The following CREB1 variants were observed in gnomAD, a reference collection of about 807,000 sequenced individuals.
CREB1 encodes cAMP responsive element binding protein 1.
Under a neutral mutation model 42.0 loss-of-function variants are expected in CREB1, and 2 were observed. The observed-to-expected ratio is 0.05, with a 90% CI of 0.02 to 0.15. The LOEUF (loss-of-function observed/expected upper bound fraction) is 0.15, where lower values mean the gene tolerates loss of function less well. Ranked by LOEUF, CREB1 falls within the 10% of genes least tolerant of loss-of-function variation. The pLI is 1.00. For missense variants in CREB1, 199 were observed against 388.9 expected, an observed-to-expected ratio of 0.51 and a Z score of 4.11; for synonymous variants, 123 against 139.9, an observed-to-expected ratio of 0.88 and a Z score of 0.85.
chr2:207,558,250 T>TGCTGTGAAGGG (rs2081811677), intron 2 of CREB1, among the ~76,000 whole-genome samples: 1 of 152,232 alleles, frequency 6.6e-6, no homozygotes, highest in Non-Finnish European at 1.5e-5. Context: ...CAGTCACATA[T>TGCTGTGAAGGG]TTCGCTGCCT....
Position 207,603,824 on chromosome 2 carries a change from T to G in CREB1, c.*6766T>G, listed in dbSNP as rs917925184. Among the ~76,000 whole-genome samples, 2 of 152,186 alleles carry G rather than the reference T, an allele frequency of 1.3e-5. No individual in the cohort carries two copies. The highest frequency in any genetic ancestry group is 2.9e-5 in the Non-Finnish European group (2 of 68,030). On this transcript the variant is annotated 3_prime_UTR_variant, in exon 8 of 8. Coordinates refer to ENST00000353267, the MANE Select transcript of CREB1 (RefSeq NM_004379.5). ...AATTGGAAGGAAAGGGGAGGGGATA[T>G]GGTTAATCTTTGCTTAAGCTGTAAG...
intron 1 of CREB1, among the ~76,000 whole-genome samples, chr2:207,539,640 G>C (rs1038090269): frequency 6.6e-6 from 1 of 152,162 alleles, no homozygotes; most frequent in Non-Finnish European, 1.5e-5. Context: ...CGGTATAGTA[G>C]GGATGATGAA....
At chr2:207,544,756 C>A (rs561150630) in intron 1 of CREB1, among the ~76,000 whole-genome samples, 1 of 152,208 alleles carries the variant, frequency 6.6e-6, no homozygotes, top group South Asian at 2.1e-4. Flanking sequence ...TGTTGTCCCC[C>A]CAACCACCGA....
chr2:207,583,043 A>G (rs934057264), intron 7 of CREB1, among the ~76,000 whole-genome samples: 1 of 152,110 alleles, frequency 6.6e-6, no homozygotes, highest in Non-Finnish European at 1.5e-5. Context: ...GTAACAATAT[A>G]ACAATTTTTT....
chr2:207,554,643 T>G (rs1001270398), intron 1 of CREB1, among the ~76,000 whole-genome samples: 1 of 152,194 alleles, frequency 6.6e-6, no homozygotes, highest in African/African-American at 2.4e-5. Flanking sequence ...CCACTTTTGC[T>G]GCCATCCAGT....
chr2:207,602,173 C>T lies in CREB1; in HGVS notation c.*5115C>T, dbSNP rs549310156. The T allele has an allele frequency of 1.5e-5, 3 of 193,592 alleles. No individual in the cohort carries two copies. The highest frequency in any genetic ancestry group is 1.9e-4 in the South Asian group (1 of 5,162). 12.0% of individuals were successfully genotyped at this position (193,592 alleles called of 1,614,324 possible). ...ACCGACTTTAAGAGGGACCAGATAA[C>T]GTTTGAATGGAGGGATTATATTTCA... On this transcript the variant is annotated 3_prime_UTR_variant, in exon 8 of 8. Coordinates refer to ENST00000353267, the MANE Select transcript of CREB1 (RefSeq NM_004379.5).
At chr2:207,541,783 C>A (rs1464617808) in intron 1 of CREB1, among the ~76,000 whole-genome samples, 1 of 152,168 alleles carries the variant, frequency 6.6e-6, no homozygotes, top group Non-Finnish European at 1.5e-5. Flanking sequence ...CTATTACCAC[C>A]ATCAGTTTAG....
chr2:207,597,544 T>A lies in CREB1; in HGVS notation c.*486T>A, dbSNP rs535819888. 5.6e-5 allele frequency: 12 copies of A among 212,402 alleles called. No individual in the cohort carries two copies. In the South Asian group the frequency reaches 2.1e-3, roughly 37 times the overall value. 13.2% of individuals were successfully genotyped at this position (212,402 alleles called of 1,614,324 possible). ...AATTGACATGTTGTCACATTCTCAT[T>A]GTGAATTATGTAAAGTTGTTAAGAG... On this transcript the variant is annotated 3_prime_UTR_variant, in exon 8 of 8. Coordinates refer to ENST00000353267, the MANE Select transcript of CREB1 (RefSeq NM_004379.5).
intron 1 of CREB1, among the ~76,000 whole-genome samples, chr2:207,533,721 C>G (rs1016570626): frequency 6.6e-6 from 1 of 151,188 alleles, no homozygotes; most frequent in Non-Finnish European, 1.5e-5. Context: ...TTTTTTCTTA[C>G]CCATGTGTAA....
chr2:207,561,265 C>A, intron 3 of CREB1: 2 of 1,011,748 alleles, frequency 2.0e-6, no homozygotes, highest in Non-Finnish European at 3.0e-6. Flanking sequence ...GGAATTTCAA[C>A]ACTTGAACAA....
rs1338786377 is a variant in CREB1, at chr2:207,605,447, A to G, written c.*8389A>G. ...TATATATTCTGGGTACTAGGCCCTT[A>G]TAATATTTTCGCCTATAAGTTTTTG... On this transcript the variant is annotated 3_prime_UTR_variant, in exon 8 of 8. Coordinates refer to ENST00000353267, the MANE Select transcript of CREB1 (RefSeq NM_004379.5). Among the ~76,000 whole-genome samples, 1 of 152,146 alleles carries G rather than the reference A, an allele frequency of 6.6e-6. No individual in the cohort carries two copies. The highest frequency in any genetic ancestry group is 1.5e-5 in the Non-Finnish European group (1 of 68,030).
chr2:207,582,241 T>G, intron 7 of CREB1: 1 of 699,276 alleles, frequency 1.4e-6, no homozygotes, highest in Non-Finnish European at 2.6e-6. Context: ...GAAGAAGTAC[T>G]TGGAGGCTAT....
rs2087645223 is a variant in CREB1, at chr2:207,604,201, G to A, written c.*7143G>A. On this transcript the variant is annotated 3_prime_UTR_variant, in exon 8 of 8. Coordinates refer to ENST00000353267, the MANE Select transcript of CREB1 (RefSeq NM_004379.5). The stretch of plus-strand genomic sequence containing the variant: ...CCATCTTGTCATTTGACCAGGCACT[G>A]AAGTGACAAGACCATCCTTGAGAAG... 6.6e-6 allele frequency among the ~76,000 whole-genome samples: 1 copy of A among 152,184 alleles called. No homozygotes were observed. The highest frequency in any genetic ancestry group is 1.5e-5 in the Non-Finnish European group (1 of 68,024).
At chr2:207,531,217 G>C (rs538214625) in intron 1 of CREB1, among the ~76,000 whole-genome samples, 1 of 152,210 alleles carries the variant, frequency 6.6e-6, no homozygotes, top group South Asian at 2.1e-4. Flanking sequence ...TTCGCGGGGT[G>C]CAACCTTGCC....
At chr2:207,538,090 T>TC (rs2080948463) in intron 1 of CREB1, among the ~76,000 whole-genome samples, 1 of 152,208 alleles carries the variant, frequency 6.6e-6, no homozygotes, top group Non-Finnish European at 1.5e-5. Flanking sequence ...TTACATGAGG[T>TC]CAGGTGTGGG....
intron 7 of CREB1, among the ~76,000 whole-genome samples, chr2:207,579,694 T>G (rs1384566576): frequency 1.3e-5 from 2 of 152,188 alleles, no homozygotes; most frequent in East Asian, 3.9e-4. Context: ...AAACTTCTCA[T>G]TGATTCTGCC....
chr2:207,568,928 C>T (rs563536449), intron 4 of CREB1, among the ~76,000 whole-genome samples: 1 of 152,220 alleles, frequency 6.6e-6, no homozygotes, highest in East Asian at 1.9e-4. Context: ...CTCCCCATTC[C>T]TTCTGTCGTT....
intron 1 of CREB1, among the ~76,000 whole-genome samples, chr2:207,537,567 A>G (rs746639323): frequency 2.6e-4 from 40 of 152,336 alleles, no homozygotes; most frequent in Middle Eastern, 6.8e-3. Context: ...CCAATTAAAT[A>G]TATGCTAGTT....
chr2:207,569,052 T>G (rs377735805), intron 4 of CREB1, among the ~76,000 whole-genome samples: 1 of 152,226 alleles, frequency 6.6e-6, no homozygotes. Flanking sequence ...TTTTCATATT[T>G]CCCTTTTTTC....
Sources: allele counts gnomAD v4.1 joint callset (sites outside exome capture counted in the v4.1 genomes callset), GRCh38; gene constraint gnomAD v4.1.1; transcripts MANE v1.5; gene names NCBI Gene and HGNC (gene_info 2026-07-23, HGNC 2026-07-21).